The following GAB2 variants were observed in gnomAD, a reference collection of about 807,000 sequenced individuals.
GAB2 encodes GRB2-associated-binding protein 2.
GAB2 carries 26 observed loss-of-function variants against 65.5 expected under a neutral mutation model. The ratio of observed to expected loss-of-function variants is 0.40; its 90% CI spans 0.29 to 0.55. The LOEUF is 0.55. Ranked by LOEUF, GAB2 falls within the 20% of genes least tolerant of loss-of-function variation. GAB2 has a pLI of 0.53. For synonymous variants in GAB2, 321 were observed against 329.6 expected (o/e 0.97, Z 0.28); for missense variants, 884 against 875.8 (o/e 1.01, Z -0.12).
chr11:78,232,533 A>G (rs1864874627), intron 3 of GAB2, among the ~76,000 whole-genome samples: 1 of 152,234 alleles, frequency 6.6e-6, no homozygotes, highest in Admixed American at 6.5e-5. Flanking sequence ...CGTTGGCAAT[A>G]GATATTATTC....
At chr11:78,405,604 T>C (rs1857033266) in intron 1 of GAB2, among the ~76,000 whole-genome samples, 1 of 152,178 alleles carries the variant, frequency 6.6e-6, no homozygotes, top group South Asian at 2.1e-4. Flanking sequence ...AGTGGGTAAA[T>C]GGAATAGACA....
intron 1 of GAB2, among the ~76,000 whole-genome samples, chr11:78,378,461 A>G (rs1288385961): frequency 2.0e-5 from 3 of 152,304 alleles, no homozygotes; most frequent in Admixed American, 6.5e-5. Flanking sequence ...TCCTTAAAAC[A>G]TGAATTTATA....
At chr11:78,336,867 G>A (rs938897143) in intron 1 of GAB2, among the ~76,000 whole-genome samples, 25 of 152,154 alleles carry the variant, frequency 1.6e-4, no homozygotes, top group Admixed American at 1.2e-3. Context: ...ATAAACCAAA[G>A]AATTGAATTA....
chr11:78,252,228 A>G (rs970058351), intron 2 of GAB2, among the ~76,000 whole-genome samples: 1 of 152,228 alleles, frequency 6.6e-6, no homozygotes, highest in Non-Finnish European at 1.5e-5. Context: ...GCTGGGCAGG[A>G]CACCTGCCAG....
chr11:78,266,338 C>A (rs1865875412), intron 2 of GAB2, among the ~76,000 whole-genome samples: 1 of 152,038 alleles, frequency 6.6e-6, no homozygotes, highest in Non-Finnish European at 1.5e-5. Context: ...TGCATCTCCT[C>A]CCCCAATCCC....
intron 1 of GAB2, among the ~76,000 whole-genome samples, chr11:78,383,179 G>C (rs1224762272): frequency 5.9e-5 from 9 of 152,166 alleles, no homozygotes; most frequent in African/African-American, 2.2e-4. Context: ...GGCTGAGGCA[G>C]AAGAATCGCT....
At chr11:78,312,696 T>C (rs1432665220) in intron 1 of GAB2, among the ~76,000 whole-genome samples, 2 of 152,252 alleles carry the variant, frequency 1.3e-5, no homozygotes, top group Non-Finnish European at 2.9e-5. Context: ...CCCAAAGTGC[T>C]GGAATTACAG....
intron 1 of GAB2, among the ~76,000 whole-genome samples, chr11:78,337,952 G>T (rs1172369280): frequency 1.3e-5 from 2 of 152,194 alleles, no homozygotes; most frequent in Non-Finnish European, 2.9e-5. Context: ...TGAAGGCCTG[G>T]ACTACATTAT....
At chr11:78,407,760 G>A (rs567543527) in intron 1 of GAB2, among the ~76,000 whole-genome samples, 68 of 150,784 alleles carry the variant, frequency 4.5e-4, no homozygotes, top group African/African-American at 1.4e-3. Flanking sequence ...AAGAAAGAAA[G>A]AAAGAAAGAG....
At chr11:78,293,734 G>A (rs1288493166) in intron 1 of GAB2, among the ~76,000 whole-genome samples, 1 of 152,042 alleles carries the variant, frequency 6.6e-6, no homozygotes, top group Non-Finnish European at 1.5e-5. Flanking sequence ...TACTCAAACT[G>A]GCTGTGTCAC....
chr11:78,382,368 C>CT (rs914604195), intron 1 of GAB2, among the ~76,000 whole-genome samples: 1 of 151,146 alleles, frequency 6.6e-6, no homozygotes, highest in African/African-American at 2.4e-5. Flanking sequence ...GAGCAATATT[C>CT]TTTTTTTTAT....
intron 1 of GAB2, among the ~76,000 whole-genome samples, chr11:78,288,278 G>A (rs1591002234): frequency 6.6e-6 from 1 of 150,538 alleles, no homozygotes; most frequent in Non-Finnish European, 1.5e-5. Context: ...ACTAGGGAGG[G>A]TGAGGCAGGA....
At chr11:78,295,378 C>A (rs1414128903) in intron 1 of GAB2, among the ~76,000 whole-genome samples, 2 of 152,178 alleles carry the variant, frequency 1.3e-5, no homozygotes, top group Non-Finnish European at 2.9e-5. Flanking sequence ...ACTCAGGGGT[C>A]CTTTACAAGA....
chr11:78,366,736 C>T (rs974129873), intron 1 of GAB2, among the ~76,000 whole-genome samples: 1 of 148,154 alleles, frequency 6.7e-6, no homozygotes, highest in Admixed American at 6.7e-5. Flanking sequence ...AAGCCCTATC[C>T]CCAATTACAT....
intron 1 of GAB2, among the ~76,000 whole-genome samples, chr11:78,404,354 G>C (rs567027302): frequency 1.3e-5 from 2 of 152,278 alleles, no homozygotes; most frequent in African/African-American, 4.8e-5. Context: ...ATGAGCCTGG[G>C]CAACATAGTG....
intron 1 of GAB2, among the ~76,000 whole-genome samples, chr11:78,317,558 CAAAAAA>C (rs370515492): frequency 4.9e-5 from 3 of 60,806 alleles, no homozygotes; most frequent in East Asian, 4.7e-4. Flanking sequence ...GACTCCGTCT[CAAAAAA>C]AAAAAAAAAA....
intron 1 of GAB2, among the ~76,000 whole-genome samples, chr11:78,382,319 C>G (rs1015945698): frequency 1.3e-5 from 2 of 152,046 alleles, no homozygotes; most frequent in African/African-American, 4.8e-5. Flanking sequence ...TGTAGGCACT[C>G]AATAAAAGCC....
At chr11:78,351,712 G>A (rs1228404607) in intron 1 of GAB2, among the ~76,000 whole-genome samples, 1 of 152,138 alleles carries the variant, frequency 6.6e-6, no homozygotes, top group Admixed American at 6.5e-5. Flanking sequence ...AAGACAAGCA[G>A]GGAGCTAGGT....
intron 3 of GAB2, among the ~76,000 whole-genome samples, chr11:78,227,361 A>G (rs991429766): frequency 2.0e-5 from 3 of 152,232 alleles, no homozygotes; most frequent in African/African-American, 7.2e-5. Context: ...TGCACATTCG[A>G]ACACAAATGT....
Sources: gnomAD v4.1 joint callset for allele counts (sites outside exome capture counted in the v4.1 genomes callset) on GRCh38, gnomAD v4.1.1 for gene constraint, MANE v1.5 for transcripts, NCBI Gene and HGNC (gene_info 2026-07-23, HGNC 2026-07-21) for gene names.